The following GALK2 variants were observed in gnomAD, a reference collection of about 807,000 sequenced individuals.
GALK2 encodes the protein galactokinase 2.
In GALK2, 36 loss-of-function variants were observed where a neutral mutation model predicts 52.4. The observed-to-expected ratio is 0.69, with a 90% CI of 0.53 to 0.91. The LOEUF is 0.91. Ranked by LOEUF, GALK2 falls within the 40% of genes least tolerant of loss-of-function variation. The pLI is 0.00. For missense variants in GALK2, 579 were observed against 559.1 expected (o/e 1.04, Z -0.36); for synonymous variants, 176 against 199.1 (o/e 0.88, Z 0.98).
At chr15:49,189,847 T>G (rs2086603790) in intron 1 of GALK2, among the ~76,000 whole-genome samples, 1 of 152,184 alleles carries the variant, frequency 6.6e-6, no homozygotes, top group African/African-American at 2.4e-5. Context: ...ACTTAGGAGT[T>G]GTTTATTTCT....
chr15:49,224,495 A>G (rs1282694386), intron 3 of GALK2, among the ~76,000 whole-genome samples: 1 of 152,176 alleles, frequency 6.6e-6, no homozygotes, highest in Admixed American at 6.5e-5. Context: ...TCTTGAATAA[A>G]TTTTTATATA....
At chr15:49,177,096 T>G (rs1342594191) in intron 1 of GALK2, among the ~76,000 whole-genome samples, 3 of 151,930 alleles carry the variant, frequency 2.0e-5, no homozygotes, top group Non-Finnish European at 4.4e-5. Flanking sequence ...TTTCTAGTAT[T>G]GATTATGTTT....
At position 49,283,592 on chromosome 15, in the gene GALK2, G is replaced by A. The variant is rs1232020956; in HGVS notation, c.630G>A (p.Leu210=). ...GTAKLIEFSP[L]RATDVKLPSG... ...CCAAGTTGATAGAATTTAGTCCTCT[G>A]AGGGCAACCGATGTAAAACTCCCAA... The change falls in exon 7 of 10, where the codon CTG becomes CTA. Residue 210 remains leucine, a synonymous_variant. Coordinates refer to ENST00000560031, the MANE Select transcript of GALK2 (RefSeq NM_002044.4). The A allele has an allele frequency of 3.7e-6, 6 of 1,613,556 alleles. No homozygotes were observed. The African/African-American group carries it at 6.7e-5, about 18-fold the overall frequency.
intron 3 of GALK2, chr15:49,365,007 T>C: frequency 4.4e-6 from 2 of 457,132 alleles, no homozygotes; most frequent in South Asian, 5.6e-5. Flanking sequence ...CATAAAAATA[T>C]ATATTTGCAA....
At chr15:49,164,882 C>A (rs1189256737) in intron 1 of GALK2, among the ~76,000 whole-genome samples, 1 of 150,162 alleles carries the variant, frequency 6.7e-6, no homozygotes, top group African/African-American at 2.5e-5. Flanking sequence ...CTAATGTACA[C>A]TGTAAGCTTG....
intron 1 of GALK2, chr15:49,170,624 CTTG>C (rs996301614): frequency 1.8e-5 from 9 of 500,144 alleles, no homozygotes; most frequent in African/African-American, 1.5e-4. Context: ...TTTTCCTTTT[CTTG>C]TTGTAATTAG....
chr15:49,266,165 G>C (rs767722123), intron 5 of GALK2, among the ~76,000 whole-genome samples: 2 of 152,086 alleles, frequency 1.3e-5, no homozygotes, highest in Non-Finnish European at 2.9e-5. Flanking sequence ...CATCCTCCAG[G>C]CTAGTCCAGG....
intron 3 of GALK2, among the ~76,000 whole-genome samples, chr15:49,224,874 C>A (rs2090041354): frequency 6.6e-6 from 1 of 152,150 alleles, no homozygotes; most frequent in Non-Finnish European, 1.5e-5. Context: ...CAATTGGCTT[C>A]ATTTCTGGTT....
intron 5 of GALK2, among the ~76,000 whole-genome samples, chr15:49,277,750 T>G (rs979189306): frequency 2.0e-5 from 3 of 147,646 alleles, no homozygotes; most frequent in Non-Finnish European, 3.0e-5. Flanking sequence ...GAGCCGAGAT[T>G]GAGCCACTGC....
At chr15:49,347,184 T>C (rs2041630657) in intron 3 of GALK2, among the ~76,000 whole-genome samples, 1 of 152,224 alleles carries the variant, frequency 6.6e-6, no homozygotes, top group Non-Finnish European at 1.5e-5. Context: ...TTAACACTTA[T>C]TCAAGTAAAA....
At chr15:49,360,108 A>T (rs1596515386) in intron 3 of GALK2, among the ~76,000 whole-genome samples, 1 of 88,834 alleles carries the variant, frequency 1.1e-5, no homozygotes. Context: ...GGGAGGGGGG[A>T]GGGATAGCAT....
At chr15:49,367,229 T>C (rs1596609325) in intron 3 of GALK2, among the ~76,000 whole-genome samples, 1 of 152,264 alleles carries the variant, frequency 6.6e-6, no homozygotes, top group Non-Finnish European at 1.5e-5. Context: ...TGGGTTAATG[T>C]TTGTTTTATT....
intron 5 of GALK2, among the ~76,000 whole-genome samples, chr15:49,262,531 A>G (rs2092165423): frequency 6.6e-6 from 1 of 152,086 alleles, no homozygotes; most frequent in Non-Finnish European, 1.5e-5. Context: ...TCCTGGATTC[A>G]TTAATTTTTT....
At chr15:49,366,669 G>A (rs1567162816) in intron 3 of GALK2, 3 of 1,524,020 alleles carry the variant, frequency 2.0e-6, no homozygotes, top group Non-Finnish European at 1.8e-6. Flanking sequence ...GGGGACAGCC[G>A]CCGCTGCGGC....
In GALK2 at chr15:49,236,006, T is replaced by TTTATTTACTACA; in HGVS notation, c.357+67_357+78dup. On this transcript the variant is annotated intron_variant, in intron 4 of 9. Coordinates refer to ENST00000560031, the MANE Select transcript of GALK2 (RefSeq NM_002044.4). ...ATCATGTGTATTCTGTCAGATTTAT[T>TTTATTTACTACA]TTATTTACTACATCTTTTTCATCTC... 3.2e-6 allele frequency: 3 copies of TTTATTTACTACA among 945,776 alleles called. No individual in the cohort carries two copies. In the East Asian group the frequency reaches 7.2e-5, roughly 23 times the overall value. 58.6% of individuals were successfully genotyped at this position (945,776 alleles called of 1,614,324 possible).
intron 1 of GALK2, among the ~76,000 whole-genome samples, chr15:49,183,233 C>CGGG (rs1406448033): frequency 6.6e-6 from 1 of 151,598 alleles, no homozygotes; most frequent in Non-Finnish European, 1.5e-5. Flanking sequence ...CTTGTCTTTC[C>CGGG]ATGTTTAGAT....
chr15:49,339,949 A>C (rs1404060606), intron 3 of GALK2, among the ~76,000 whole-genome samples: 1 of 152,122 alleles, frequency 6.6e-6, no homozygotes, highest in Non-Finnish European at 1.5e-5. Context: ...AGCCTCAGCA[A>C]TGGTGGACAC....
chr15:49,242,570 C>T (rs2091152418), intron 5 of GALK2, among the ~76,000 whole-genome samples: 2 of 152,216 alleles, frequency 1.3e-5, no homozygotes, highest in Admixed American at 1.3e-4. Flanking sequence ...CCTATTATTT[C>T]ATATCCAGTA....
At chr15:49,327,271 G>A (rs555593562) in intron 9 of GALK2, 1 of 152,342 alleles carries the variant, frequency 6.6e-6, no homozygotes, top group East Asian at 1.9e-4. Flanking sequence ...AGCTCCAGAA[G>A]GCACAGGGAA....
Sources: allele counts gnomAD v4.1 joint callset (sites outside exome capture counted in the v4.1 genomes callset), GRCh38; gene constraint gnomAD v4.1.1; transcripts MANE v1.5; gene names NCBI Gene and HGNC (gene_info 2026-07-23, HGNC 2026-07-21).